The following NRG1 variants were observed in gnomAD, a reference collection of about 807,000 sequenced individuals.
NRG1 encodes the protein neuregulin 1.
Under a neutral mutation model 63.8 loss-of-function variants are expected in NRG1, and 18 were observed. The ratio of observed to expected loss-of-function variants is 0.28; its 90% CI spans 0.19 to 0.42. NRG1 has a LOEUF of 0.42. NRG1 is among the 10% of genes least tolerant of loss of function. The probability of loss-of-function intolerance (pLI) is 1.00; values close to 1 mark genes in which losing one functional copy is unlikely to be tolerated. For missense variants in NRG1, 762 were observed against 814.7 expected (o/e 0.94, Z 0.79); for synonymous variants, 302 against 301.3 (o/e 1.00, Z -0.02).
At chr8:32,261,097 G>A (rs937049823) in intron 1 of NRG1, among the ~76,000 whole-genome samples, 2 of 152,176 alleles carry the variant, frequency 1.3e-5, no homozygotes, top group African/African-American at 2.4e-5. Context: ...AAGTTGCAAA[G>A]ATAGTACAGA....
At chr8:32,484,261 C>G (rs1414651307) in intron 1 of NRG1, among the ~76,000 whole-genome samples, 1 of 152,112 alleles carries the variant, frequency 6.6e-6, no homozygotes, top group Admixed American at 6.6e-5. Context: ...TACTAAAATG[C>G]CCAGGTACAA....
intron 1 of NRG1, among the ~76,000 whole-genome samples, chr8:31,832,249 G>GTTTTTTTTTTTTTTTTTTT (rs5890599): frequency 7.3e-6 from 1 of 136,142 alleles, no homozygotes; most frequent in Non-Finnish European, 1.6e-5. Flanking sequence ...AAATGCTCTA[G>GTTTTTTTTTTTTTTTTTTT]TTTTTTTTTT....
chr8:31,800,842 T>TC (rs1357972388), intron 1 of NRG1, among the ~76,000 whole-genome samples: 1 of 135,886 alleles, frequency 7.4e-6, no homozygotes, highest in Non-Finnish European at 1.6e-5. Context: ...CCTTTCTTTT[T>TC]TTTTTTTTTT....
At chr8:32,728,432 A>C (rs193271535) in intron 6 of NRG1, 1 of 985,292 alleles carries the variant, frequency 1.0e-6, no homozygotes, top group Admixed American at 6.1e-5. Context: ...TCTACATCCA[A>C]TGTATGAATT....
intron 1 of NRG1, among the ~76,000 whole-genome samples, chr8:32,109,432 C>T (rs1453099544): frequency 1.3e-5 from 2 of 152,144 alleles, no homozygotes; most frequent in Non-Finnish European, 2.9e-5. Context: ...TTTGGTTTTA[C>T]CAGTAAGCAA....
At chr8:31,764,943 T>C (rs996475174) in intron 1 of NRG1, among the ~76,000 whole-genome samples, 1 of 136,588 alleles carries the variant, frequency 7.3e-6, no homozygotes, top group African/African-American at 2.7e-5. Flanking sequence ...CCTGTGTCCA[T>C]GTGATCTCAT....
intron 1 of NRG1, among the ~76,000 whole-genome samples, chr8:32,164,230 A>T (rs778895775): frequency 7.8e-6 from 1 of 128,362 alleles, no homozygotes; most frequent in African/African-American, 3.0e-5. Flanking sequence ...CACTAGTTTC[A>T]TCATCTCCAT....
chr8:32,728,051 T>C, exon 6 of NRG1: 1 of 1,614,062 alleles, frequency 6.2e-7, no homozygotes, highest in Non-Finnish European at 8.5e-7. Flanking sequence ...GTGAAAGACC[T>C]TTCAAACCCC....
chr8:31,663,247 C>T (rs1806185809), intron 1 of NRG1, among the ~76,000 whole-genome samples: 1 of 152,108 alleles, frequency 6.6e-6, no homozygotes, highest in Admixed American at 6.5e-5. Context: ...ACTTTGTATA[C>T]CCAAGCACTG....
intron 1 of NRG1, among the ~76,000 whole-genome samples, chr8:32,425,351 T>C (rs911480815): frequency 2.6e-5 from 4 of 152,296 alleles, no homozygotes; most frequent in Non-Finnish European, 5.9e-5. Flanking sequence ...ATTGATTTTT[T>C]ACATCCCCTC....
At chr8:32,643,038 T>A (rs1428178598) in intron 5 of NRG1, among the ~76,000 whole-genome samples, 1 of 152,246 alleles carries the variant, frequency 6.6e-6, no homozygotes, top group Non-Finnish European at 1.5e-5. Context: ...TATTACAGGA[T>A]GTTTTTCTTC....
chr8:32,721,818 C>A (rs531395089), intron 5 of NRG1: 2 of 1,348,598 alleles, frequency 1.5e-6, no homozygotes, highest in East Asian at 2.9e-5. Flanking sequence ...AGAGAAGCTA[C>A]ATTAGGTGGC....
chr8:32,432,989 A>G (rs1818335858), intron 1 of NRG1, among the ~76,000 whole-genome samples: 1 of 152,146 alleles, frequency 6.6e-6, no homozygotes. Flanking sequence ...TCATGTTTCT[A>G]GTTATAGTGT....
intron 1 of NRG1, among the ~76,000 whole-genome samples, chr8:32,516,148 T>C (rs1829803029): frequency 6.6e-6 from 1 of 152,206 alleles, no homozygotes; most frequent in Non-Finnish European, 1.5e-5. Flanking sequence ...CCCAATACCA[T>C]TTATTGAATA....
At chr8:32,197,924 A>G (rs914476344) in intron 1 of NRG1, among the ~76,000 whole-genome samples, 3 of 152,076 alleles carry the variant, frequency 2.0e-5, no homozygotes, top group African/African-American at 4.8e-5. Context: ...TCCTCAGATC[A>G]TTTCCCCTGT....
intron 4 of NRG1, 45 bp from the exon 5 acceptor site, chr8:32,616,790 G>A (rs1335075218): frequency 8.7e-6 from 13 of 1,486,146 alleles, no homozygotes; most frequent in African/African-American, 1.4e-5. Context: ...ATGAGTCCAA[G>A]CAGCATGACT....
intron 1 of NRG1, among the ~76,000 whole-genome samples, chr8:31,902,449 A>G (rs1832164808): frequency 6.6e-6 from 1 of 152,204 alleles, no homozygotes; most frequent in African/African-American, 2.4e-5. Context: ...TTAGTAATCA[A>G]TAATTATTTC....
intron 1 of NRG1, among the ~76,000 whole-genome samples, chr8:31,829,433 GCAAC>G (rs1434232347): frequency 6.6e-6 from 1 of 152,158 alleles, no homozygotes; most frequent in South Asian, 2.1e-4. Context: ...CATTATCACA[GCAAC>G]TGGACATTAC....
At chr8:32,218,688 T>A (rs1399673946) in intron 1 of NRG1, among the ~76,000 whole-genome samples, 1 of 152,220 alleles carries the variant, frequency 6.6e-6, no homozygotes, top group Non-Finnish European at 1.5e-5. Flanking sequence ...AAATGATGAC[T>A]GTTGTTCTTT....
Sources: gnomAD v4.1 joint callset for allele counts (sites outside exome capture counted in the v4.1 genomes callset) on GRCh38, gnomAD v4.1.1 for gene constraint, MANE v1.5 for transcripts, NCBI Gene and HGNC (gene_info 2026-07-23, HGNC 2026-07-21) for gene names.